PCDHGA5: variants seen among roughly 807,000 people sequenced by gnomAD.
PCDHGA5 encodes protocadherin gamma-A5.
PCDHGA5 carries 36 observed loss-of-function variants against 56.7 expected under a neutral mutation model. The observed-to-expected ratio is 0.64, with a 90% CI of 0.49 to 0.84. The LOEUF is 0.84. Among genes scored for constraint, PCDHGA5 ranks in the 40% least tolerant of loss-of-function variants. The pLI is 0.00. For missense variants in PCDHGA5, 1,305 were observed against 1,201.5 expected, an observed-to-expected ratio of 1.09 and a Z score of -1.27; for synonymous variants, 563 against 520.2, an observed-to-expected ratio of 1.08 and a Z score of -1.12.
At chr5:141,392,802 A>C in intron 1 of PCDHGA5, 2 of 1,572,582 alleles carry the variant, frequency 1.3e-6, no homozygotes, top group Non-Finnish European at 1.7e-6. Flanking sequence ...AGGATTCTGC[A>C]GCAAAACAAC....
intron 1 of PCDHGA5, among the ~76,000 whole-genome samples, chr5:141,443,609 T>C (rs2098396115): frequency 1.3e-5 from 2 of 152,260 alleles, no homozygotes; most frequent in African/African-American, 4.8e-5. Flanking sequence ...GAAATGTTCT[T>C]ATAATCAGGT....
In PCDHGA5 at chr5:141,432,361, G is replaced by A; in HGVS notation, c.2422-62446G>A. 1 of 1,614,230 alleles carries A rather than the reference G, an allele frequency of 6.2e-7. No individual in the cohort carries two copies. Among genetic ancestry groups the A allele is most frequent in the Non-Finnish European group, 8.5e-7 (1 of 1,180,050 alleles). On this transcript the variant is annotated intron_variant, in intron 1 of 3. Coordinates refer to ENST00000518069, the MANE Select transcript of PCDHGA5 (RefSeq NM_018918.3). The surrounding 1 kb of genome is among the most constrained non-coding windows in gnomAD (Gnocchi z 6.0). Reference sequence around the variant, plus strand: ...GAGACTTGCAAGTGAAAGTGATGGCGCGGGACAACGGGCACCCGCCCCTCA... The same window carrying A: ...GAGACTTGCAAGTGAAAGTGATGGCACGGGACAACGGGCACCCGCCCCTCA...
intron 1 of PCDHGA5, chr5:141,423,660 G>T (rs765304048): frequency 1.3e-6 from 2 of 1,560,582 alleles, no homozygotes; most frequent in Non-Finnish European, 8.6e-7. Context: ...CAAGTAATCA[G>T]GTGAGATTTA....
intron 1 of PCDHGA5, among the ~76,000 whole-genome samples, chr5:141,482,755 T>TGAAGTGGGAGAATTGCTTGAGCCTGGG (rs1554165462): frequency 6.3e-5 from 9 of 143,570 alleles, no homozygotes; most frequent in African/African-American, 1.4e-4. Context: ...GGGATTATGG[T>TGAAGTGGGAGAATTGCTTGAGCCTGGG]ATTTCATTAT....
intron 1 of PCDHGA5, chr5:141,374,136 C>T (rs769413254): frequency 1.2e-5 from 19 of 1,605,624 alleles, no homozygotes; most frequent in Non-Finnish European, 1.4e-5. Context: ...CTGCTCCTCA[C>T]GCTCCTGGGG....
chr5:141,445,249 G>T (rs1337658576), intron 1 of PCDHGA5, among the ~76,000 whole-genome samples: 2 of 152,170 alleles, frequency 1.3e-5, no homozygotes, highest in Non-Finnish European at 2.9e-5. Context: ...ACTATATTGT[G>T]TGAGAATATA....
rs750087491 is a variant in PCDHGA5 at position 141,365,060 on chromosome 5, C to T, written c.730C>T (p.Pro244Ser). The change falls in exon 1 of 4, where the codon CCA becomes TCA. Residue 244 changes from proline (P) to serine (S), a missense_variant. Transcript: ENST00000518069. ...DANDNAPLFTPSEYSVSVPEN... is the reference protein window; with the variant it reads ...DANDNAPLFTSSEYSVSVPEN... ...AAACGACAATGCGCCCCTGTTCACC[C>T]CATCCGAGTACAGCGTGAGTGTTCC... 2 of 1,613,874 alleles carry T rather than the reference C, an allele frequency of 1.2e-6. No homozygotes were observed. The highest frequency in any genetic ancestry group is 1.7e-5 in the Admixed American group (1 of 60,024).
intron 1 of PCDHGA5, chr5:141,374,270 G>A (rs377535875): frequency 1.2e-6 from 2 of 1,613,872 alleles, no homozygotes; most frequent in African/African-American, 1.3e-5. Context: ...GGCGGAGCAC[G>A]GAGTCCGCAT....
At chr5:141,484,968 C>A (rs2099604490) in intron 1 of PCDHGA5, 2 of 585,734 alleles carry the variant, frequency 3.4e-6, no homozygotes, top group African/African-American at 3.7e-5. Context: ...GCCCGGGAGC[C>A]GCTGTCTGCC....
At chr5:141,419,325 AC>A (rs768622826) in intron 1 of PCDHGA5, 1 of 1,613,702 alleles carries the variant, frequency 6.2e-7, no homozygotes, top group Non-Finnish European at 8.5e-7. Context: ...CGTGTCTCCT[AC>A]TCTCTCATTG....
intron 1 of PCDHGA5, chr5:141,422,122 A>G (rs758254144): frequency 6.2e-7 from 1 of 1,601,596 alleles, no homozygotes; most frequent in African/African-American, 1.4e-5. Context: ...GGATTCACAA[A>G]CTGGAGAAGT....
intron 1 of PCDHGA5, among the ~76,000 whole-genome samples, chr5:141,447,123 T>G (rs1004463863): frequency 1.3e-5 from 2 of 152,160 alleles, no homozygotes; most frequent in Non-Finnish European, 2.9e-5. Flanking sequence ...CCATGGATTT[T>G]TTTGTTTGTT....
At chr5:141,418,817 G>A (rs2154547923) in intron 1 of PCDHGA5, 1 of 1,613,882 alleles carries the variant, frequency 6.2e-7, no homozygotes, top group Non-Finnish European at 8.5e-7. Flanking sequence ...GATAAACATA[G>A]AAGCAAAAGA....
chr5:141,389,274 C>A, intron 1 of PCDHGA5: 1 of 1,614,032 alleles, frequency 6.2e-7, no homozygotes, highest in Non-Finnish European at 8.5e-7. Flanking sequence ...CGAGAACAAC[C>A]CGCCTGGAGC....
At chr5:141,407,738 A>G (rs928743977) in intron 1 of PCDHGA5, among the ~76,000 whole-genome samples, 3 of 152,046 alleles carry the variant, frequency 2.0e-5, no homozygotes, top group Admixed American at 2.0e-4. Context: ...CACTATATAT[A>G]CTCCCTACTG....
chr5:141,410,847 G>GTTT (rs773839667), intron 1 of PCDHGA5: 4 of 158,330 alleles, frequency 2.5e-5, no homozygotes, highest in South Asian at 1.1e-4. Context: ...TTTTGTCTTT[G>GTTT]TCTTTTTTTT....
At chr5:141,389,355 G>C in intron 1 of PCDHGA5, 2 of 1,613,950 alleles carry the variant, frequency 1.2e-6, no homozygotes, top group Non-Finnish European at 1.7e-6. Flanking sequence ...CTGCATCATG[G>C]CCAGTGACCT....
Position 141,447,603 on chromosome 5 carries a change from T to G in PCDHGA5, c.2422-47204T>G, listed in dbSNP as rs146950525. On this transcript the variant is annotated intron_variant, in intron 1 of 3. Transcript: ENST00000518069. ...ATACCTTAAACATCCTATAGAGTCC[T>G]TAGCATTTTAAAGTTGAAACCAACA... Among the ~76,000 whole-genome samples, 378 of 152,270 alleles carry G rather than the reference T, an allele frequency of 2.5e-3. 1 individual carries two copies. Among genetic ancestry groups the G allele is most frequent in the Non-Finnish European group, 4.5e-3 (309 of 68,030 alleles).
rs141556649 is a variant in PCDHGA5 at position 141,492,225 on chromosome 5, C to T, written c.2422-2582C>T. ...GTGTGCGCGCGGGGCTCATGCGTGT[C>T]CTCCCTGCTGGCCACCCCCACGGCC... On this transcript the variant is annotated intron_variant, in intron 1 of 3. Transcript: ENST00000518069. Among the ~76,000 whole-genome samples the T allele has an allele frequency of 2.4e-3, 361 of 152,274 alleles. No individual in the cohort carries two copies. In the Middle Eastern group the frequency reaches 0.024, roughly 10 times the overall value.
Sources: gnomAD v4.1 joint callset for allele counts (sites outside exome capture counted in the v4.1 genomes callset) on GRCh38, gnomAD v4.1.1 for gene constraint, Gnocchi (gnomAD v3.1) non-coding constraint, MANE v1.5 for transcripts, NCBI Gene and HGNC (gene_info 2026-07-23, HGNC 2026-07-21) for gene names.